FANCB: variants seen among roughly 807,000 people sequenced by gnomAD.
FANCB encodes Fanconi anemia group B protein.
A neutral mutation model predicts 38.9 loss-of-function variants in FANCB; 5 were observed. The observed-to-expected ratio is 0.13, with a 90% CI of 0.07 to 0.27. The LOEUF is 0.27. FANCB is among the 10% of genes least tolerant of loss of function. The pLI is 1.00. For missense variants in FANCB, 573 were observed against 602.7 expected (o/e 0.95, Z 0.52); for synonymous variants, 236 against 215.4 (o/e 1.10, Z -0.84).
the FANCB span, among the ~76,000 whole-genome samples, chrX:14,804,076 C>CG: frequency 7.2e-5 from 8 of 111,764 alleles, no homozygotes; most frequent in African/African-American, 2.3e-4. Flanking sequence ...GACAGTGTGG[C>CG]GATTCCTCAA....
At chrX:14,725,502 G>A in the FANCB span, among the ~76,000 whole-genome samples, 2 of 111,691 alleles carry the variant, frequency 1.8e-5, no homozygotes, top group African/African-American at 6.5e-5. Context: ...AGGAGGCTCA[G>A]TCCAATAAAA....
At chrX:14,850,738 A>C in intron 6 of FANCB, 64 bp from the exon 7 acceptor site, 1 of 723,395 alleles carries the variant, frequency 1.4e-6, no homozygotes, top group Non-Finnish European at 2.0e-6. Flanking sequence ...AACTAAAAAA[A>C]AAAAAAAGTT....
the FANCB span, among the ~76,000 whole-genome samples, chrX:14,736,056 A>G: frequency 1.8e-5 from 2 of 111,297 alleles, no homozygotes. Flanking sequence ...CGCCTACTCA[A>G]GCCTCAGTAA....
At chrX:14,715,770 C>T in the FANCB span, among the ~76,000 whole-genome samples, 3 of 111,425 alleles carry the variant, frequency 2.7e-5, no homozygotes, top group Admixed American at 1.9e-4. Context: ...AGGTGTAAGG[C>T]AGGACATGGG....
chrX:14,817,548 G>A, the FANCB span, among the ~76,000 whole-genome samples: 1 of 111,259 alleles, frequency 9.0e-6, no homozygotes, highest in African/African-American at 3.3e-5. Flanking sequence ...TAAATTAAAG[G>A]GCAGACATTA....
chrX:14,738,897 A>G, the FANCB span, among the ~76,000 whole-genome samples: 3 of 112,293 alleles, frequency 2.7e-5, no homozygotes, highest in African/African-American at 6.5e-5. Context: ...CACTTACTCC[A>G]TTAATATCAA....
intron 3 of FANCB, among the ~76,000 whole-genome samples, chrX:14,864,275 A>G (rs2092459123): frequency 8.9e-6 from 1 of 112,362 alleles, no homozygotes; most frequent in Admixed American, 9.4e-5. Context: ...TAAAAATTAG[A>G]AAGTTATAAT....
downstream of FANCB, among the ~76,000 whole-genome samples, chrX:14,840,932 C>A (rs919815418): frequency 8.9e-6 from 1 of 111,792 alleles, no homozygotes; most frequent in African/African-American, 3.3e-5. Flanking sequence ...AATAGTGTGA[C>A]ACCCTACTGA....
chrX:14,800,423 C>T, the FANCB span, among the ~76,000 whole-genome samples: 1 of 111,363 alleles, frequency 9.0e-6, no homozygotes, highest in Non-Finnish European at 1.9e-5. Flanking sequence ...CCAGCAACCG[C>T]CACAAGTTAG....
the FANCB span, among the ~76,000 whole-genome samples, chrX:14,813,138 A>G: frequency 9.2e-6 from 1 of 108,922 alleles, no homozygotes; most frequent in East Asian, 2.8e-4. Flanking sequence ...AAAACTCTCA[A>G]TAAATTGGGT....
intron 5 of FANCB, 63 bp downstream of exon 5, chrX:14,857,799 A>G (rs1262519100): frequency 3.8e-6 from 3 of 786,267 alleles, no homozygotes; most frequent in Non-Finnish European, 3.9e-6. Flanking sequence ...CTTTCTTTCA[A>G]TGTTCTTTCC....
In FANCB at chrX:14,850,466, G is replaced by A. The variant is rs750076805; in HGVS notation, c.1496+39C>T. On this transcript the variant is annotated intron_variant, in intron 7 of 9. Transcript: ENST00000650831. ...ATTTCTATTGGACAGTACTGTTCTG[G>A]AGCATCAAGACAGTGTTATCATGTT... 11 of 1,064,473 alleles carry A rather than the reference G, an allele frequency of 1.0e-5. No homozygotes were observed. The East Asian group carries it at 3.0e-4, about 29-fold the overall frequency. The allele number at this position is 1,064,473 out of a possible 1,213,427, so 87.7% of individuals were successfully genotyped here. A position where few individuals can be genotyped will look rare whatever the true frequency, so the allele number is the denominator to read the frequency against.
the FANCB span, among the ~76,000 whole-genome samples, chrX:14,811,162 G>A: frequency 9.9e-5 from 11 of 110,862 alleles, no homozygotes; most frequent in Admixed American, 1.1e-3. Flanking sequence ...AGCTCCTGAA[G>A]GAAGCACTAA....
intron 10 of FANCB, among the ~76,000 whole-genome samples, chrX:14,836,527 C>A (rs2092341609): frequency 8.9e-6 from 1 of 112,002 alleles, no homozygotes; most frequent in African/African-American, 3.2e-5. Flanking sequence ...AATCTTATTT[C>A]TAAAAAGCTT....
the FANCB span, among the ~76,000 whole-genome samples, chrX:14,777,104 C>T: frequency 1.8e-5 from 2 of 112,187 alleles, no homozygotes; most frequent in African/African-American, 3.2e-5. Flanking sequence ...TGTAAGAATG[C>T]GTTGTTTCTG....
In FANCB at chrX:14,838,250, G is replaced by A. The variant is rs533410959; in HGVS notation, c.*1567-1995C>T. On this transcript the variant is annotated intron_variant and NMD_transcript_variant, in intron 10 of 10. Coordinates refer to the FANCB transcript ENST00000643728. ...CATAGAAAATTGGTATGCAAGTGTGGGCTATAATTTTAACACTTTTCCTAA... is the reference window on the plus strand; with the variant it reads ...CATAGAAAATTGGTATGCAAGTGTGAGCTATAATTTTAACACTTTTCCTAA... Among the ~76,000 whole-genome samples the A allele has an allele frequency of 3.6e-5, 4 of 111,305 alleles. No individual in the cohort carries two copies. The East Asian group carries it at 8.5e-4, about 24-fold the overall frequency.
At position 14,873,021 on chromosome X, in the gene FANCB, C is replaced by G. The variant is rs2092508023; in HGVS notation, c.-227G>C. ...CGGCAACATACCGGAGGCCCCACGT[C>G]GATACGGTATCCATCTGCTCCAAAC... On this transcript the variant is annotated 5_prime_UTR_variant, in exon 1 of 10. Coordinates refer to ENST00000650831, the MANE Select transcript of FANCB (RefSeq NM_001018113.3). 7.8e-6 allele frequency: 1 copy of G among 128,213 alleles called. No individual in the cohort carries two copies. The highest frequency in any genetic ancestry group is 1.6e-5 in the Non-Finnish European group (1 of 62,855). 10.6% of individuals were successfully genotyped at this position (128,213 alleles called of 1,213,427 possible). A position where few individuals can be genotyped will look rare whatever the true frequency, so the allele number is the denominator to read the frequency against.
At chrX:14,858,909 C>A (rs931976402) in intron 4 of FANCB, among the ~76,000 whole-genome samples, 4 of 111,032 alleles carry the variant, frequency 3.6e-5, no homozygotes, top group Non-Finnish European at 7.5e-5. Flanking sequence ...TTTTCAGAAG[C>A]AAAAATAAAG....
rs771777691 is a variant in FANCB, at chrX:14,860,534, TA to T, written c.952-1201del. Among the ~76,000 whole-genome samples, 369 of 112,063 alleles carry T rather than the reference TA, an allele frequency of 3.3e-3. 1 individual carries two copies. The highest frequency in any genetic ancestry group is 0.01 in the African/African-American group (319 of 30,836). On this transcript the variant is annotated intron_variant, in intron 3 of 9. Transcript: ENST00000650831. ...AGAATAGTGCCATCCAATAGAAAGG[TA>T]AGTGAGCCCCAAATATAAGGCATAT...
Sources: allele counts gnomAD v4.1 joint callset (sites outside exome capture counted in the v4.1 genomes callset), GRCh38; gene constraint gnomAD v4.1.1; transcripts MANE v1.5; gene names NCBI Gene and HGNC (gene_info 2026-07-23, HGNC 2026-07-21).